Variants in PI15 observed in about 807,000 individuals in gnomAD.
PI15 encodes the protein peptidase inhibitor 15.
Under a neutral mutation model 31.0 loss-of-function variants are expected in PI15, and 18 were observed. That is an observed-to-expected ratio of 0.58 (90% confidence interval 0.40 to 0.86). The LOEUF (loss-of-function observed/expected upper bound fraction) is 0.86. PI15 is among the 40% of genes least tolerant of loss of function. The pLI, the probability that PI15 is intolerant of heterozygous loss-of-function variation, is 0.00. For missense variants in PI15, 282 were observed against 328.1 expected, an observed-to-expected ratio of 0.86 and a Z score of 1.09; for synonymous variants, 118 against 119.1, an observed-to-expected ratio of 0.99 and a Z score of 0.06.
intron 2 of PI15, among the ~76,000 whole-genome samples, chr8:74,839,288 G>A (rs1810912183): frequency 6.6e-6 from 1 of 152,116 alleles, no homozygotes; most frequent in African/African-American, 2.4e-5. Context: ...ATAGCTCATG[G>A]TGAATATTTT....
intron 3 of PI15, chr8:74,844,744 A>C (rs1459750362): frequency 5.6e-6 from 1 of 180,068 alleles, no homozygotes; most frequent in African/African-American, 2.4e-5. Flanking sequence ...GAAGTGAAAA[A>C]AATGCACTGG....
At chr8:74,849,017 T>A in intron 5 of PI15, 101 bp from the exon 6 acceptor site, 1 of 936,996 alleles carries the variant, frequency 1.1e-6, no homozygotes, top group South Asian at 1.8e-5. Context: ...CTCAAACGGA[T>A]CATCACATGT....
intron 2 of PI15, among the ~76,000 whole-genome samples, chr8:74,842,456 T>C: frequency 6.6e-6 from 1 of 152,302 alleles, no homozygotes; most frequent in East Asian, 1.9e-4. Flanking sequence ...CATTGAACTA[T>C]GAAACCAATT....
chr8:74,824,979 G>T, intron 1 of PI15: 1 of 423,972 alleles, frequency 2.4e-6, no homozygotes. Context: ...TAGTGGTCAT[G>T]CTGTTTATTT....
intron 2 of PI15, among the ~76,000 whole-genome samples, chr8:74,840,790 T>C (rs1810934005): frequency 1.3e-5 from 2 of 152,098 alleles, no homozygotes; most frequent in African/African-American, 4.8e-5. Context: ...TGGAGACAGG[T>C]AGAAACCCTC....
intron 5 of PI15, among the ~76,000 whole-genome samples, chr8:74,847,386 A>G (rs1200414025): frequency 1.3e-5 from 2 of 151,840 alleles, no homozygotes; most frequent in African/African-American, 2.4e-5. Context: ...TGGAGGTTGC[A>G]GTGAGCTGAG....
At chr8:74,836,191 G>C (rs1563566806) in intron 2 of PI15, among the ~76,000 whole-genome samples, 1 of 152,152 alleles carries the variant, frequency 6.6e-6, no homozygotes, top group Admixed American at 6.5e-5. Flanking sequence ...AGGTCTTATG[G>C]TTTATGTTGC....
At chr8:74,846,313 A>G (rs1426851776) in intron 5 of PI15, among the ~76,000 whole-genome samples, 3 of 152,236 alleles carry the variant, frequency 2.0e-5, no homozygotes, top group African/African-American at 7.2e-5. Context: ...ACAAAGTCAG[A>G]AAAATAGTGA....
rs2128767320 is a variant in PI15, at chr8:74,853,792, A to G, written c.*4539A>G. The G allele has an allele frequency of 6.6e-6, 1 of 152,278 alleles. No homozygotes were observed. Among genetic ancestry groups the G allele is most frequent in the African/African-American group, 2.4e-5 (1 of 41,576 alleles). 9.4% of individuals were successfully genotyped at this position (152,278 alleles called of 1,614,324 possible). ...ATATTCTGGCACCCACTTTCCTAGT[A>G]ATGTTTTCCATGATTTTCCAGTTCT... On this transcript the variant is annotated 3_prime_UTR_variant, in exon 6 of 6. Coordinates refer to ENST00000260113, the MANE Select transcript of PI15 (RefSeq NM_015886.5).
rs1434289282 is a variant in PI15, at chr8:74,852,922, C to T, written c.*3669C>T. The stretch of plus-strand genomic sequence containing the variant: ...TGTTGACATAGATGGAAGCTCTTAC[C>T]TACCAAAGTGTTTAGGAAGGATAAA... On this transcript the variant is annotated 3_prime_UTR_variant, in exon 6 of 6. Transcript: ENST00000260113. 6.6e-6 allele frequency: 1 copy of T among 152,094 alleles called. No homozygotes were observed. Among genetic ancestry groups the T allele is most frequent in the Non-Finnish European group, 1.5e-5 (1 of 67,964 alleles). 9.4% of individuals were successfully genotyped at this position (152,094 alleles called of 1,614,324 possible).
intron 2 of PI15, among the ~76,000 whole-genome samples, chr8:74,843,467 C>A (rs1810973512): frequency 6.6e-6 from 1 of 152,190 alleles, no homozygotes; most frequent in Non-Finnish European, 1.5e-5. Flanking sequence ...GTGGCTCATG[C>A]CTGTAATCCC....
At chr8:74,844,509 C>T (rs1302013514) in intron 3 of PI15, among the ~76,000 whole-genome samples, 3 of 151,472 alleles carry the variant, frequency 2.0e-5, no homozygotes, top group Non-Finnish European at 2.9e-5. Context: ...TGCATATACC[C>T]GCATTTACAT....
intron 5 of PI15, among the ~76,000 whole-genome samples, chr8:74,848,732 T>TATAGAGAGAG (rs1191072583): frequency 2.1e-4 from 28 of 136,358 alleles, no homozygotes; most frequent in African/African-American, 6.6e-4. Context: ...TATATATATA[T>TATAGAGAGAG]AGAGAGAGAG....
At chr8:74,827,766 A>G (rs1810720595) in intron 2 of PI15, among the ~76,000 whole-genome samples, 2 of 152,174 alleles carry the variant, frequency 1.3e-5, no homozygotes, top group South Asian at 4.1e-4. Context: ...GAAGTCCTAT[A>G]ATATCCATGC....
At chr8:74,846,409 A>C (rs1811027515) in intron 5 of PI15, among the ~76,000 whole-genome samples, 1 of 152,218 alleles carries the variant, frequency 6.6e-6, no homozygotes, top group Admixed American at 6.5e-5. Flanking sequence ...AAAAGCATTA[A>C]AATTTTACAT....
At chr8:74,840,285 C>T (rs943594862) in intron 2 of PI15, among the ~76,000 whole-genome samples, 6 of 152,190 alleles carry the variant, frequency 3.9e-5, no homozygotes, top group Admixed American at 2.6e-4. Context: ...ACTAGATTAT[C>T]GTAAACTATA....
In PI15 at chr8:74,851,147, C is replaced by G. The variant is rs1422834739; in HGVS notation, c.*1894C>G. ...TCATACTACTCTGCCTTTGTGGGCA[C>G]ATATGTAGACACTACTAAAAATAAA... On this transcript the variant is annotated 3_prime_UTR_variant, in exon 6 of 6. Coordinates refer to ENST00000260113, the MANE Select transcript of PI15 (RefSeq NM_015886.5). The G allele has an allele frequency of 6.6e-6, 1 of 152,470 alleles. No homozygotes were observed. The highest frequency in any genetic ancestry group is 2.4e-5 in the African/African-American group (1 of 41,414). 9.4% of individuals were successfully genotyped at this position (152,470 alleles called of 1,614,324 possible).
At chr8:74,828,030 T>A (rs1810724384) in intron 2 of PI15, among the ~76,000 whole-genome samples, 1 of 152,154 alleles carries the variant, frequency 6.6e-6, no homozygotes, top group Admixed American at 6.6e-5. Flanking sequence ...ATATTTAATA[T>A]TTGTTAAGCA....
At chr8:74,835,223 T>C (rs1810845862) in intron 2 of PI15, among the ~76,000 whole-genome samples, 1 of 152,110 alleles carries the variant, frequency 6.6e-6, no homozygotes, top group Non-Finnish European at 1.5e-5. Flanking sequence ...AAATTTTGGA[T>C]TTTCAGAAAG....
Sources: allele counts gnomAD v4.1 joint callset (sites outside exome capture counted in the v4.1 genomes callset), GRCh38; gene constraint gnomAD v4.1.1; transcripts MANE v1.5; gene names NCBI Gene and HGNC (gene_info 2026-07-23, HGNC 2026-07-21).